RBMXL1: variants seen among roughly 807,000 people sequenced by gnomAD.
RBMXL1 encodes RNA binding motif protein, X-linked-like-1.
In RBMXL1, 18 loss-of-function variants were observed where a neutral mutation model predicts 29.0. The ratio of observed to expected loss-of-function variants is 0.62; its 90% CI spans 0.43 to 0.92. RBMXL1 has a LOEUF of 0.92. RBMXL1 is among the 40% of genes least tolerant of loss of function. RBMXL1 has a pLI of 0.00. For synonymous variants in RBMXL1, 141 were observed against 170.4 expected (o/e 0.83, Z 1.34); for missense variants, 403 against 495.8 (o/e 0.81, Z 1.78).
chr1:88,984,919 T>G (rs1295053959), intron 2 of RBMXL1, among the ~76,000 whole-genome samples: 1 of 152,282 alleles, frequency 6.6e-6, no homozygotes, highest in Non-Finnish European at 1.5e-5. Flanking sequence ...ACTTTCCATA[T>G]GTACTGGTTA....
intron 2 of RBMXL1, among the ~76,000 whole-genome samples, chr1:88,986,875 ATATT>A (rs1381143888): frequency 5.9e-5 from 9 of 152,204 alleles, no homozygotes; most frequent in Non-Finnish European, 1.3e-4. Flanking sequence ...AATAGGAAGA[ATATT>A]TATCTTTATC....
chr1:88,989,382 T>A (rs1258461774), intron 1 of RBMXL1, among the ~76,000 whole-genome samples: 1 of 152,204 alleles, frequency 6.6e-6, no homozygotes, highest in Non-Finnish European at 1.5e-5. Context: ...TTAAAAAAAG[T>A]TTCTATCTGT....
chr1:88,985,137 A>G (rs891307967), intron 2 of RBMXL1, among the ~76,000 whole-genome samples: 10 of 152,364 alleles, frequency 6.6e-5, no homozygotes, highest in Admixed American at 6.5e-4. Context: ...AATGCCAGAA[A>G]TGGAGTCAGG....
At chr1:88,990,512 G>C (rs1316448539) in intron 1 of RBMXL1, among the ~76,000 whole-genome samples, 1 of 152,190 alleles carries the variant, frequency 6.6e-6, no homozygotes, top group Admixed American at 6.5e-5. Context: ...TGCAGCTTTA[G>C]ATACTGGCAG....
rs778277885 is a variant in RBMXL1, at chr1:88,983,289, T to C, written c.538A>G (p.Arg180Gly). 3.8e-5 allele frequency: 61 copies of C among 1,613,800 alleles called. No individual in the cohort carries two copies. Among genetic ancestry groups the C allele is most frequent in the Non-Finnish European group, 5.0e-5 (59 of 1,179,974 alleles). ...LVRSSSGMGGRAPLSRGRDSY... is the reference protein window; with the variant it reads ...LVRSSSGMGGGAPLSRGRDSY... Reference sequence around the variant, plus strand: ...TCTCTTCCACGTGATAGAGGAGCTCTTCCTCCCATTCCACTGCTGCTGCGA... The same window carrying C: ...TCTCTTCCACGTGATAGAGGAGCTCCTCCTCCCATTCCACTGCTGCTGCGA... The change falls in exon 3 of 3, where the codon AGA (arginine) becomes GGA (glycine). Residue 180 changes from arginine to glycine, a missense_variant. Physicochemically the swap from Arg to Gly is moderately radical, Grantham distance 125 (BLOSUM62 -2). Transcript: ENST00000652648.
chr1:88,989,365 T>G (rs900956319), intron 1 of RBMXL1, among the ~76,000 whole-genome samples: 1 of 152,182 alleles, frequency 6.6e-6, no homozygotes, highest in Admixed American at 6.5e-5. Flanking sequence ...TAAAGCAGAA[T>G]TCAATCTTAA....
Position 88,988,337 on chromosome 1 carries a change from TG to T in RBMXL1, c.-327del. On this transcript the variant is annotated 5_prime_UTR_variant, in exon 2 of 3. The change creates a premature stop within an existing upstream ORF in the 5' untranslated region. Coordinates refer to ENST00000652648, the MANE Select transcript of RBMXL1 (RefSeq NM_001162536.3). ...ACCGCTAAGAGAGCAGAGGCTCCTC[TG>T]GGCCAAAAACATGCTATTAAATAAA... The T allele has an allele frequency of 6.2e-7, 1 of 1,611,856 alleles. No individual in the cohort carries two copies. Among genetic ancestry groups the T allele is most frequent in the Non-Finnish European group, 8.5e-7 (1 of 1,178,624 alleles).
At chr1:88,988,414 C>T in intron 1 of RBMXL1, 63 bp from the exon 2 acceptor site, 2 of 894,322 alleles carry the variant, frequency 2.2e-6, no homozygotes, top group East Asian at 2.5e-5. Flanking sequence ...CACTATCAGA[C>T]ACTTACAGCT....
Position 88,983,878 on chromosome 1 carries a change from AAG to A in RBMXL1, c.-54_-53del. On this transcript the variant is annotated 5_prime_UTR_variant, in exon 3 of 3. Transcript: ENST00000652648. ...GGTGACAGTGGGTTCAAGCTCCAAC[AAG>A]CTCGCCGACAGGGGCTTCCTAGCAG... The A allele has an allele frequency of 8.0e-7, 1 of 1,244,576 alleles. No homozygotes were observed. Among genetic ancestry groups the A allele is most frequent in the Middle Eastern group, 2.0e-4 (1 of 5,106 alleles). The allele number at this position is 1,244,576 out of a possible 1,614,324, so 77.1% of individuals were successfully genotyped here. A position where few individuals can be genotyped will look rare whatever the true frequency, so the allele number is the denominator to read the frequency against.
chr1:88,984,923 C>T (rs928477854), intron 2 of RBMXL1, among the ~76,000 whole-genome samples: 3 of 152,208 alleles, frequency 2.0e-5, no homozygotes, highest in African/African-American at 7.2e-5. Context: ...TCCATATGTA[C>T]TGGTTATAAC....
At chr1:88,985,076 A>G (rs1245882825) in intron 2 of RBMXL1, among the ~76,000 whole-genome samples, 1 of 152,258 alleles carries the variant, frequency 6.6e-6, no homozygotes, top group Non-Finnish European at 1.5e-5. Flanking sequence ...CTTATTGGAA[A>G]CAAGGCTTTC....
intron 1 of RBMXL1, among the ~76,000 whole-genome samples, chr1:88,990,749 C>T (rs1055272139): frequency 4.6e-5 from 7 of 152,118 alleles, no homozygotes; most frequent in Admixed American, 3.3e-4. Context: ...GAAATCTAAG[C>T]AGGCTGATAA....
rs1316575586 is a variant in RBMXL1, at chr1:88,987,155, G to C, written c.-241+1097C>G. Among the ~76,000 whole-genome samples, 3 of 152,294 alleles carry C rather than the reference G, an allele frequency of 2.0e-5. No homozygotes were observed. In the East Asian group the frequency reaches 5.8e-4, roughly 29 times the overall value. ...TTTCAAAATACATTCCAGATATGTA[G>C]AATTAGAATGCATAATGGTGAGCCC... On this transcript the variant is annotated intron_variant, in intron 2 of 2. Transcript: ENST00000652648.
intron 1 of RBMXL1, among the ~76,000 whole-genome samples, chr1:88,990,525 A>G (rs941430751): frequency 1.3e-5 from 2 of 152,188 alleles, no homozygotes; most frequent in African/African-American, 2.4e-5. Context: ...ACTGGCAGGC[A>G]AGCCCTTTTT....
rs2101080914 is a variant in RBMXL1, at chr1:88,982,179, A to T, written c.*475T>A. On this transcript the variant is annotated 3_prime_UTR_variant, in exon 3 of 3. Transcript: ENST00000652648. ...ATCTGATTTCAGGTTTTGCATACTG[A>T]GAACAGTGAGATTTCAGTTAGAAAA... 1.1e-6 allele frequency: 1 copy of T among 877,014 alleles called. No homozygotes were observed. 54.3% of individuals were successfully genotyped at this position (877,014 alleles called of 1,614,324 possible). A position where few individuals can be genotyped will look rare whatever the true frequency, so the allele number is the denominator to read the frequency against.
intron 2 of RBMXL1, among the ~76,000 whole-genome samples, chr1:88,986,311 CT>C (rs1161226550): frequency 6.7e-6 from 1 of 148,698 alleles, no homozygotes; most frequent in Non-Finnish European, 1.5e-5. Flanking sequence ...TTTAGACTCT[CT>C]TAAAAAAAAA....
rs1385802265 is a variant in RBMXL1, at chr1:88,983,919, G to C, written c.-93C>G. The stretch of plus-strand genomic sequence containing the variant: ...GCTTCCTAGCAGCTCAGCACCAGTG[G>C]CGGCTGTCAGTTAGGAGGACTGAAC... On this transcript the variant is annotated 5_prime_UTR_variant, in exon 3 of 3. Transcript: ENST00000652648. 6.8e-7 allele frequency: 1 copy of C among 1,470,390 alleles called. No homozygotes were observed. The highest frequency in any genetic ancestry group is 2.3e-5 in the East Asian group (1 of 44,150). The allele number at this position is 1,470,390 out of a possible 1,614,324, so 91.1% of individuals were successfully genotyped here. A position where few individuals can be genotyped will look rare whatever the true frequency, so the allele number is the denominator to read the frequency against.
chr1:88,991,232 C>CA (rs1417892857), intron 1 of RBMXL1, among the ~76,000 whole-genome samples: 4 of 152,174 alleles, frequency 2.6e-5, no homozygotes, highest in African/African-American at 9.7e-5. Context: ...AGCTAAAAGG[C>CA]AGACAAGCCC....
rs1384221373 is a variant in RBMXL1, at chr1:88,983,934, G to A, written c.-108C>T. 4 of 1,189,014 alleles carry A rather than the reference G, an allele frequency of 3.4e-6. No homozygotes were observed. The highest frequency in any genetic ancestry group is 4.9e-6 in the Non-Finnish European group (4 of 809,574). The allele number at this position is 1,189,014 out of a possible 1,614,324, so 73.7% of individuals were successfully genotyped here. A position where few individuals can be genotyped will look rare whatever the true frequency, so the allele number is the denominator to read the frequency against. On this transcript the variant is annotated 5_prime_UTR_variant, in exon 3 of 3. Coordinates refer to ENST00000652648, the MANE Select transcript of RBMXL1 (RefSeq NM_001162536.3). ...AGCACCAGTGGCGGCTGTCAGTTAGGAGGACTGAACCGCGAAGCCGCTAGC... is the reference window on the plus strand; with the variant it reads ...AGCACCAGTGGCGGCTGTCAGTTAGAAGGACTGAACCGCGAAGCCGCTAGC...
Sources: allele counts gnomAD v4.1 joint callset (sites outside exome capture counted in the v4.1 genomes callset), GRCh38; gene constraint gnomAD v4.1.1; transcripts MANE v1.5; gene names NCBI Gene and HGNC (gene_info 2026-07-23, HGNC 2026-07-21).